DDI2: variants seen among roughly 807,000 people sequenced by gnomAD.
The protein encoded by DDI2 is DDI proteasomal shuttling factor 2.
DDI2 carries 5 observed loss-of-function variants against 48.1 expected under a neutral mutation model. The observed-to-expected ratio is 0.10, with a 90% CI of 0.05 to 0.22. DDI2 has a LOEUF of 0.22. Among genes scored for constraint, DDI2 ranks in the 10% least tolerant of loss-of-function variants. The pLI is 1.00. For missense variants in DDI2, 285 were observed against 506.2 expected (o/e 0.56, Z 4.19); for synonymous variants, 205 against 183.6 (o/e 1.12, Z -0.94).
chr1:15,655,626 G>A (rs534382573), intron 8 of DDI2, among the ~76,000 whole-genome samples: 45 of 151,748 alleles, frequency 3.0e-4, no homozygotes, highest in Admixed American at 1.1e-3. Context: ...GGTTGTGGGC[G>A]CCTGTAATCC....
At chr1:15,652,464 G>GGGGGGGGA (rs1557622640) in intron 8 of DDI2, among the ~76,000 whole-genome samples, 2 of 53,162 alleles carry the variant, frequency 3.8e-5, no homozygotes, top group African/African-American at 7.2e-5. Flanking sequence ...GGGGGGGGGG[G>GGGGGGGGA]GCGGATCACC....
chr1:15,645,249 T>A (rs1640072162), intron 6 of DDI2, among the ~76,000 whole-genome samples: 1 of 152,250 alleles, frequency 6.6e-6, no homozygotes, highest in Non-Finnish European at 1.5e-5. Flanking sequence ...TTTTGAATTT[T>A]CACAATGCAT....
intron 6 of DDI2, among the ~76,000 whole-genome samples, chr1:15,644,577 A>AT (rs1640057243): frequency 1.7e-5 from 2 of 117,702 alleles, no homozygotes; most frequent in African/African-American, 6.5e-5. Context: ...TTTTCTTTTC[A>AT]GTTTTTTTTG....
In DDI2 at chr1:15,661,592, C is replaced by A. The variant is rs770261681; in HGVS notation, c.*1802C>A. The A allele has an allele frequency of 6.2e-7, 1 of 1,614,156 alleles. No individual in the cohort carries two copies. Among genetic ancestry groups the A allele is most frequent in the Non-Finnish European group, 8.5e-7 (1 of 1,180,032 alleles). On this transcript the variant is annotated 3_prime_UTR_variant, in exon 10 of 10. Coordinates refer to ENST00000480945, the MANE Select transcript of DDI2 (RefSeq NM_032341.5). ...CTTCCACCATTGATTTTTCCTGCCACAGATATTGACCGCATTCTCCGTGCT... is the reference window on the plus strand; with the variant it reads ...CTTCCACCATTGATTTTTCCTGCCAAAGATATTGACCGCATTCTCCGTGCT...
At chr1:15,658,678 C>T (rs370983298) in intron 9 of DDI2, among the ~76,000 whole-genome samples, 7 of 151,280 alleles carry the variant, frequency 4.6e-5, no homozygotes, top group Non-Finnish European at 5.9e-5. Context: ...CGCTTGGACC[C>T]GGGAGGCGGA....
Position 15,617,654 on chromosome 1 carries a change from C to T in DDI2, c.-17C>T, listed in dbSNP as rs781244808. ...CAGGCCGGGCCGAGCCGAGCCGAGC[C>T]GGGTCGGGCCCGGGCCATGCTGCTC... On this transcript the variant is annotated 5_prime_UTR_variant, in exon 1 of 10. Coordinates refer to ENST00000480945, the MANE Select transcript of DDI2 (RefSeq NM_032341.5). 2 of 1,418,450 alleles carry T rather than the reference C, an allele frequency of 1.4e-6. No individual in the cohort carries two copies. Among genetic ancestry groups the T allele is most frequent in the Non-Finnish European group, 9.3e-7 (1 of 1,073,332 alleles). 87.9% of individuals were successfully genotyped at this position (1,418,450 alleles called of 1,614,324 possible). A position where few individuals can be genotyped will look rare whatever the true frequency, so the allele number is the denominator to read the frequency against.
chr1:15,618,634 A>C (rs1207927101), intron 1 of DDI2, among the ~76,000 whole-genome samples: 4 of 152,196 alleles, frequency 2.6e-5, no homozygotes, highest in South Asian at 2.1e-4. Context: ...TGCTGGAAAG[A>C]AGTTCAGCCT....
At position 15,668,987 on chromosome 1, in the gene DDI2, A is replaced by G. The variant is rs1640491293; in HGVS notation, c.*9197A>G. 1 of 152,198 alleles carries G rather than the reference A, an allele frequency of 6.6e-6. No individual in the cohort carries two copies. The highest frequency in any genetic ancestry group is 6.5e-5 in the Admixed American group (1 of 15,284). The allele number at this position is 152,198 out of a possible 1,614,324, so 9.4% of individuals were successfully genotyped here. On this transcript the variant is annotated 3_prime_UTR_variant, in exon 10 of 10. Coordinates refer to ENST00000480945, the MANE Select transcript of DDI2 (RefSeq NM_032341.5). Reference sequence around the variant, plus strand: ...CTTTTTTTAAATAGGAACTTTCTGAAGAAAAAGTGGTGTGTAAAACATTTG... The same window carrying G: ...CTTTTTTTAAATAGGAACTTTCTGAGGAAAAAGTGGTGTGTAAAACATTTG...
rs537873084 is a variant in DDI2, at chr1:15,648,613, A to G, written c.890-1107A>G. Among the ~76,000 whole-genome samples the G allele has an allele frequency of 5.3e-5, 8 of 152,350 alleles. No homozygotes were observed. The South Asian group carries it at 1.2e-3, about 24-fold the overall frequency. Reference sequence around the variant, plus strand: ...TGAGTAGAAACAAACCCATGATTCTATGAACATTGATCAATGAGAGGAAGT... The same window carrying G: ...TGAGTAGAAACAAACCCATGATTCTGTGAACATTGATCAATGAGAGGAAGT... On this transcript the variant is annotated intron_variant, in intron 6 of 9. Coordinates refer to ENST00000480945, the MANE Select transcript of DDI2 (RefSeq NM_032341.5).
In DDI2 at chr1:15,661,443, T is replaced by C. The variant is rs1211222851; in HGVS notation, c.*1653T>C. The C allele has an allele frequency of 3.1e-6, 5 of 1,613,960 alleles. No homozygotes were observed. The highest frequency in any genetic ancestry group is 4.2e-6 in the Non-Finnish European group (5 of 1,180,018). On this transcript the variant is annotated 3_prime_UTR_variant, in exon 10 of 10. Transcript: ENST00000480945. ...ATTTCATATTGGTTAAAGACTTAGGTCAGGGCATACAGAATTCAGTAACAG... is the reference window on the plus strand; with the variant it reads ...ATTTCATATTGGTTAAAGACTTAGGCCAGGGCATACAGAATTCAGTAACAG...
intron 9 of DDI2, 63 bp from the exon 10 acceptor site, chr1:15,659,774 G>C: frequency 6.9e-7 from 1 of 1,456,040 alleles, no homozygotes; most frequent in Non-Finnish European, 9.0e-7. Context: ...GTATCCTCTG[G>C]TAATTTAGTG....
chr1:15,667,423 G>A lies in DDI2; in HGVS notation c.*7633G>A, dbSNP rs998073410. The A allele has an allele frequency of 2.0e-5, 3 of 152,216 alleles. No individual in the cohort carries two copies. The highest frequency in any genetic ancestry group is 6.5e-5 in the Admixed American group (1 of 15,288). The allele number at this position is 152,216 out of a possible 1,614,324, so 9.4% of individuals were successfully genotyped here. Reference sequence around the variant, plus strand: ...ATCAGACCACCTCACATGCAGGGTAGAAACATGGAGTGTGCGGCAGCATCC... The same window carrying A: ...ATCAGACCACCTCACATGCAGGGTAAAAACATGGAGTGTGCGGCAGCATCC... On this transcript the variant is annotated 3_prime_UTR_variant, in exon 10 of 10. Transcript: ENST00000480945.
At chr1:15,652,937 G>A (rs1372730470) in intron 8 of DDI2, among the ~76,000 whole-genome samples, 8 of 152,212 alleles carry the variant, frequency 5.3e-5, no homozygotes, top group East Asian at 3.9e-4. Context: ...CTTGGGAGGC[G>A]GAGGTTGCAG....
intron 5 of DDI2, among the ~76,000 whole-genome samples, chr1:15,640,618 A>G (rs1639992603): frequency 6.6e-6 from 1 of 152,232 alleles, no homozygotes. Flanking sequence ...GGCTTTGGAA[A>G]ATGCAGGAGA....
intron 2 of DDI2, among the ~76,000 whole-genome samples, chr1:15,629,987 C>T (rs1037441280): frequency 1.3e-5 from 2 of 152,100 alleles, no homozygotes; most frequent in African/African-American, 4.8e-5. Flanking sequence ...CCACCTTGAC[C>T]TCCCAAAGTG....
intron 6 of DDI2, among the ~76,000 whole-genome samples, chr1:15,644,102 G>A (rs368638473): frequency 1.3e-5 from 2 of 152,060 alleles, no homozygotes; most frequent in Non-Finnish European, 2.9e-5. Flanking sequence ...GGTTTCTTGC[G>A]TAGTATTCAT....
At position 15,665,444 on chromosome 1, in the gene DDI2, G is replaced by T. The variant is rs1412750218; in HGVS notation, c.*5654G>T. 1 of 152,076 alleles carries T rather than the reference G, an allele frequency of 6.6e-6. No homozygotes were observed. Among genetic ancestry groups the T allele is most frequent in the East Asian group, 1.9e-4 (1 of 5,192 alleles). 9.4% of individuals were successfully genotyped at this position (152,076 alleles called of 1,614,324 possible). The stretch of plus-strand genomic sequence containing the variant: ...CCCAAAGCATGTCTCTAGCAAGAGG[G>T]TACATAGAAATGGAACATGAGGCTT... On this transcript the variant is annotated 3_prime_UTR_variant, in exon 10 of 10. Coordinates refer to ENST00000480945, the MANE Select transcript of DDI2 (RefSeq NM_032341.5).
rs527869443 is a variant in DDI2 at position 15,662,996 on chromosome 1, G to C, written c.*3206G>C. 6.6e-6 allele frequency: 1 copy of C among 152,204 alleles called. No individual in the cohort carries two copies. The highest frequency in any genetic ancestry group is 6.5e-5 in the Admixed American group (1 of 15,274). The allele number at this position is 152,204 out of a possible 1,614,324, so 9.4% of individuals were successfully genotyped here. On this transcript the variant is annotated 3_prime_UTR_variant, in exon 10 of 10. Coordinates refer to ENST00000480945, the MANE Select transcript of DDI2 (RefSeq NM_032341.5). Reference sequence around the variant, plus strand: ...TTTTTTATATAAGGACTAGCCCTTGGAAATCATTGTCCTGTGGGCCCCACT... The same window carrying C: ...TTTTTTATATAAGGACTAGCCCTTGCAAATCATTGTCCTGTGGGCCCCACT...
At position 15,646,651 on chromosome 1, in the gene DDI2, C is replaced by T. The variant is rs142087455; in HGVS notation, c.889+3001C>T. Among the ~76,000 whole-genome samples the T allele has an allele frequency of 8.1e-3, 1,226 of 152,070 alleles. 16 individuals are homozygous for T. Among genetic ancestry groups the T allele is most frequent in the African/African-American group, 0.027 (1,117 of 41,458 alleles). On this transcript the variant is annotated intron_variant, in intron 6 of 9. Coordinates refer to ENST00000480945, the MANE Select transcript of DDI2 (RefSeq NM_032341.5). Reference sequence around the variant, plus strand: ...GCAGTAAGCTGAGATTGTGCCATTTCACTCCAGCCTGGGCAATAAGAGTGA... The same window carrying T: ...GCAGTAAGCTGAGATTGTGCCATTTTACTCCAGCCTGGGCAATAAGAGTGA...
Sources: gnomAD v4.1 joint callset for allele counts (sites outside exome capture counted in the v4.1 genomes callset) on GRCh38, gnomAD v4.1.1 for gene constraint, MANE v1.5 for transcripts, NCBI Gene and HGNC (gene_info 2026-07-23, HGNC 2026-07-21) for gene names.